POLQ: variants seen among roughly 807,000 people sequenced by gnomAD.
POLQ encodes the protein DNA polymerase theta.
Under a neutral mutation model 259.2 loss-of-function variants are expected in POLQ, and 233 were observed. The ratio of observed to expected loss-of-function variants is 0.90; its 90% CI spans 0.81 to 1.00. The LOEUF (loss-of-function observed/expected upper bound fraction) is 1.00. POLQ is among the 50% of genes least tolerant of loss of function. The probability of loss-of-function intolerance (pLI) is 0.00; values close to 1 mark genes in which losing one functional copy is unlikely to be tolerated. For synonymous variants in POLQ, 1,025 were observed against 1,048.8 expected (o/e 0.98, Z 0.44); for missense variants, 2,871 against 3,051.6 (o/e 0.94, Z 1.39).
Position 121,440,932 on chromosome 3 carries a change from T to TA in POLQ, c.7265-817dup, listed in dbSNP as rs958548496. Among the ~76,000 whole-genome samples, 224 of 148,614 alleles carry TA rather than the reference T, an allele frequency of 1.5e-3. 5 individuals are homozygous for TA. The highest frequency in any genetic ancestry group is 8.0e-3 in the East Asian group (41 of 5,120). On this transcript the variant is annotated intron_variant, in intron 26 of 29. Transcript: ENST00000264233. ...AATAAACATGACCCACTTCTTAAAA[T>TA]AAAAAAAAAACTATGTGTAGTGTAG...
At chr3:121,432,719 C>T (rs1036686725) in intron 29 of POLQ, among the ~76,000 whole-genome samples, 199 bp downstream of exon 29, 1 of 152,186 alleles carries the variant, frequency 6.6e-6, no homozygotes. Context: ...CTTGCATTGG[C>T]AATTCTTCAC....
At chr3:121,532,279 A>C (rs566571664) in intron 6 of POLQ, among the ~76,000 whole-genome samples, 1 of 77,658 alleles carries the variant, frequency 1.3e-5, no homozygotes, top group South Asian at 8.8e-4. Context: ...GACTACAAAA[A>C]TAATATTTTC....
intron 24 of POLQ, among the ~76,000 whole-genome samples, chr3:121,462,417 C>G (rs1467007473): frequency 6.6e-6 from 1 of 152,154 alleles, no homozygotes; most frequent in Non-Finnish European, 1.5e-5. Context: ...AGCTGAAGCA[C>G]AGCGCTGTAT....
intron 9 of POLQ, among the ~76,000 whole-genome samples, chr3:121,519,533 G>A (rs1188661860): frequency 3.3e-5 from 5 of 150,292 alleles, no homozygotes; most frequent in African/African-American, 7.3e-5. Flanking sequence ...AAAATTAGCC[G>A]GGCATGGTGG....
rs1322484030 is a variant in POLQ, at chr3:121,489,173, T to G, written c.3758A>C (p.Gln1253Pro). The G allele has an allele frequency of 6.2e-7, 1 of 1,612,582 alleles. No homozygotes were observed. The highest frequency in any genetic ancestry group is 8.5e-7 in the Non-Finnish European group (1 of 1,179,572). The change falls in exon 16 of 30, where the codon CAG (glutamine) becomes CCG (proline). Residue 1253 changes from glutamine to proline, a missense_variant. By Grantham distance (76) the Gln-to-Pro change is moderately conservative. Coordinates refer to ENST00000264233, the MANE Select transcript of POLQ (RefSeq NM_199420.4). The part of the protein sequence containing the change: ...NTEENKPSHF[Q>P]ALGDDISRTV... ...TCTGCTTATATCATCTCCTAATGCC[T>G]GAAAATGACTTGGTTTATTTTCCTC...
Position 121,481,924 on chromosome 3 carries a change from T to C in POLQ, c.5971-112A>G, listed in dbSNP as rs1560095162. The C allele has an allele frequency of 1.1e-5, 11 of 962,924 alleles. No individual in the cohort carries two copies. The East Asian group carries it at 1.5e-4, about 13-fold the overall frequency. 59.6% of individuals were successfully genotyped at this position (962,924 alleles called of 1,614,324 possible). A position where few individuals can be genotyped will look rare whatever the true frequency, so the allele number is the denominator to read the frequency against. On this transcript the variant is annotated intron_variant, in intron 18 of 29. Transcript: ENST00000264233. ...TCATTTCTAACCTCACTCATTTTCA[T>C]TTAATATTTATTCAGTGGTCTTCCC...
rs2048030379 is a variant in POLQ at position 121,488,181 on chromosome 3, T to C, written c.4750A>G (p.Thr1584Ala). Residue 1584 changes from threonine (T) to alanine (A), a missense_variant, in exon 16 of 30, where the codon ACT (threonine) becomes GCT (alanine). By Grantham distance (58) the Thr-to-Ala change is moderately conservative. This residue lies in a region of POLQ where 2,080 missense variants were observed against 2,126.0 expected (regional missense o/e 0.98). Coordinates refer to ENST00000264233, the MANE Select transcript of POLQ (RefSeq NM_199420.4). Reference protein sequence around the residue: ...DIFPVQEKNHTVVSPRALELS... With the variant: ...DIFPVQEKNHAVVSPRALELS... ...TCTAATGCTCTAGGAGATACTACAG[T>C]ATGATTCTTCTCTTGGACAGGAAAT... The C allele has an allele frequency of 4.3e-6, 7 of 1,613,612 alleles. No homozygotes were observed. Among genetic ancestry groups the C allele is most frequent in the Non-Finnish European group, 5.9e-6 (7 of 1,179,786 alleles).
At chr3:121,506,890 G>GCGTT (rs1328671647) in intron 12 of POLQ, among the ~76,000 whole-genome samples, 1 of 149,430 alleles carries the variant, frequency 6.7e-6, no homozygotes, top group Non-Finnish European at 1.5e-5. Flanking sequence ...AATAAACAAC[G>GCGTT]GTACATCCAC....
chr3:121,533,855 A>G (rs2048429564), intron 5 of POLQ, among the ~76,000 whole-genome samples: 1 of 151,234 alleles, frequency 6.6e-6, no homozygotes, highest in Non-Finnish European at 1.5e-5. Flanking sequence ...CCTGATAACC[A>G]ATGAGACTAC....
chr3:121,436,312 G>T, intron 27 of POLQ, 37 bp from the exon 28 acceptor site: 4 of 1,605,216 alleles, frequency 2.5e-6, no homozygotes, highest in Non-Finnish European at 3.4e-6. Context: ...CACCAGATAT[G>T]CCAACATGGT....
Position 121,469,486 on chromosome 3 carries a change from T to C in POLQ, c.6719-1055A>G, listed in dbSNP as rs529697822. Among the ~76,000 whole-genome samples the C allele has an allele frequency of 2.0e-5, 3 of 152,326 alleles. No individual in the cohort carries two copies. In the South Asian group the frequency reaches 6.2e-4, roughly 32 times the overall value. ...GTTGTTTTTTTGAATGATCCCCTAA[T>C]ATTATGTCTTTGTCATTTAGCTTTT... On this transcript the variant is annotated intron_variant, in intron 22 of 29. Coordinates refer to ENST00000264233, the MANE Select transcript of POLQ (RefSeq NM_199420.4).
chr3:121,518,477 A>T (rs527578277), intron 9 of POLQ, among the ~76,000 whole-genome samples: 1 of 152,278 alleles, frequency 6.6e-6, no homozygotes, highest in South Asian at 2.1e-4. Flanking sequence ...GAAAGATTCA[A>T]ATTTTTCGCA....
At chr3:121,448,785 G>A (rs11709726) in intron 26 of POLQ, among the ~76,000 whole-genome samples, 89,120 of 151,890 alleles carry the variant, frequency 0.59, 27,303 homozygotes, top group East Asian at 0.88. Flanking sequence ...TCTTGGTTGT[G>A]GTGTAAATTT....
At chr3:121,497,064 T>C (rs1446219794) in intron 13 of POLQ, 132 bp from the exon 14 acceptor site, 10 of 915,384 alleles carry the variant, frequency 1.1e-5, no homozygotes, top group East Asian at 5.3e-5. Flanking sequence ...AGATTCTTAA[T>C]AGAAAATAGG....
chr3:121,438,729 T>A (rs1323965836), intron 27 of POLQ, among the ~76,000 whole-genome samples: 1 of 152,204 alleles, frequency 6.6e-6, no homozygotes, highest in Non-Finnish European at 1.5e-5. Context: ...TCATATATAT[T>A]TTTTTGTTTG....
chr3:121,459,369 ATTTTTTTT>A (rs58859161), intron 25 of POLQ, among the ~76,000 whole-genome samples: 1 of 104,736 alleles, frequency 9.5e-6, no homozygotes, highest in Non-Finnish European at 1.8e-5. Context: ...GACTAGAAAG[ATTTTTTTT>A]TTTTTTTTTT....
At chr3:121,470,936 A>AT (rs2047879129) in intron 22 of POLQ, among the ~76,000 whole-genome samples, 1 of 152,130 alleles carries the variant, frequency 6.6e-6, no homozygotes, top group Admixed American at 6.5e-5. Context: ...TGCCCAGCCT[A>AT]TTACCTTGTT....
Position 121,488,992 on chromosome 3 carries a change from T to A in POLQ, c.3939A>T (p.Leu1313Phe). Residue 1313 changes from leucine (L) to phenylalanine (F), a missense_variant, in exon 16 of 30, where the codon TTA (leucine) becomes TTT (phenylalanine). By Grantham distance (22) the Leu-to-Phe change is conservative. Around this residue, in one of 3 missense-constraint regions of POLQ, gnomAD observed 2,080 missense variants for 2,126.0 expected, o/e 0.98. Transcript: ENST00000264233. ...TKNNHVSDLG[L>F]VLCDFEDSFY... ...AACTATCTTCAAAATCACAGAGGAC[T>A]AAACCTAAGTCAGAAACATGATTAT... 1 of 1,613,108 alleles carries A rather than the reference T, an allele frequency of 6.2e-7. No homozygotes were observed.
intron 22 of POLQ, among the ~76,000 whole-genome samples, chr3:121,471,203 C>A (rs1201182171): frequency 6.6e-6 from 1 of 152,088 alleles, no homozygotes; most frequent in Non-Finnish European, 1.5e-5. Flanking sequence ...TTACTTATCT[C>A]AGGAGGACCA....
Sources: gnomAD v4.1 joint callset for allele counts (sites outside exome capture counted in the v4.1 genomes callset) on GRCh38, gnomAD v4.1.1 for gene constraint, gnomAD v4.1.1 regional missense constraint, MANE v1.5 for transcripts, NCBI Gene and HGNC (gene_info 2026-07-23, HGNC 2026-07-21) for gene names.